The following PRKAG2 variants were observed in gnomAD, a reference collection of about 807,000 sequenced individuals.
PRKAG2 encodes protein kinase AMP-activated non-catalytic subunit gamma 2, also known as 5'-AMP-activated protein kinase subunit gamma-2.
A neutral mutation model predicts 69.6 loss-of-function variants in PRKAG2; 26 were observed. The observed-to-expected ratio is 0.37, with a 90% CI of 0.27 to 0.52. The LOEUF (loss-of-function observed/expected upper bound fraction) is 0.52, where lower values mean the gene tolerates loss of function less well. PRKAG2 is among the 20% of genes least tolerant of loss of function. The pLI is 0.90. For missense variants in PRKAG2, 557 were observed against 740.0 expected (o/e 0.75, Z 2.87); for synonymous variants, 293 against 285.0 (o/e 1.03, Z -0.28).
At chr7:151,731,535 T>TGTGTGTGC (rs10689682) in intron 3 of PRKAG2, among the ~76,000 whole-genome samples, 2,172 of 151,528 alleles carry the variant, frequency 0.014, 50 homozygotes, top group African/African-American at 0.05. Flanking sequence ...TGTGTGTGTG[T>TGTGTGTGC]GCGCACAGGT....
At chr7:151,708,448 T>C (rs1321426444) in intron 3 of PRKAG2, among the ~76,000 whole-genome samples, 1 of 152,082 alleles carries the variant, frequency 6.6e-6, no homozygotes, top group East Asian at 1.9e-4. Flanking sequence ...AAATAGTAAA[T>C]GTACCAGTAT....
At chr7:151,800,524 C>T (rs116754636) in intron 1 of PRKAG2, among the ~76,000 whole-genome samples, 2,674 of 152,258 alleles carry the variant, frequency 0.018, 74 homozygotes, top group Admixed American at 0.056. Flanking sequence ...ACTCCTCCTT[C>T]GAACACATCC....
chr7:151,740,355 T>C (rs2073793233), intron 3 of PRKAG2, among the ~76,000 whole-genome samples: 1 of 152,244 alleles, frequency 6.6e-6, no homozygotes, highest in Non-Finnish European at 1.5e-5. Context: ...CTCAGACCTC[T>C]GTCTTGGGTC....
chr7:151,645,423 A>G (rs6963047), intron 4 of PRKAG2, among the ~76,000 whole-genome samples: 2,483 of 152,336 alleles, frequency 0.016, 70 homozygotes, highest in African/African-American at 0.055. Context: ...GGTCCTGGCC[A>G]ACATCTTGAT....
chr7:151,862,572 G>A (rs1475283777), intron 1 of PRKAG2, among the ~76,000 whole-genome samples: 2 of 152,220 alleles, frequency 1.3e-5, no homozygotes, highest in Non-Finnish European at 2.9e-5. Context: ...CAGGTCGGCT[G>A]TGTGAGAGGT....
chr7:151,674,782 A>G (rs1347067795), intron 4 of PRKAG2, among the ~76,000 whole-genome samples: 3 of 150,252 alleles, frequency 2.0e-5, no homozygotes, highest in East Asian at 3.9e-4. Flanking sequence ...TGCTTTACCT[A>G]TGACATTTTA....
chr7:151,685,682 T>C (rs923026685), intron 3 of PRKAG2, among the ~76,000 whole-genome samples: 13 of 151,802 alleles, frequency 8.6e-5, no homozygotes, highest in Non-Finnish European at 1.8e-4. Context: ...GGAGGGAGGA[T>C]TGCTTAAGCC....
intron 1 of PRKAG2, among the ~76,000 whole-genome samples, chr7:151,848,817 AC>A (rs1216481560): frequency 6.6e-6 from 1 of 152,022 alleles, no homozygotes. Flanking sequence ...GAGCCACCGC[AC>A]CCAGCCTACT....
At chr7:151,798,557 T>TC (rs1344831640) in intron 1 of PRKAG2, among the ~76,000 whole-genome samples, 1 of 152,170 alleles carries the variant, frequency 6.6e-6, no homozygotes, top group Admixed American at 6.5e-5. Context: ...TCAAGGGATA[T>TC]ACCTGCCTTG....
At chr7:151,646,997 T>C (rs954535565) in intron 4 of PRKAG2, among the ~76,000 whole-genome samples, 1 of 152,200 alleles carries the variant, frequency 6.6e-6, no homozygotes, top group African/African-American at 2.4e-5. Flanking sequence ...GCTTTCATGA[T>C]AGTGACAAGC....
chr7:151,571,192 C>T (rs1299214724), intron 9 of PRKAG2, among the ~76,000 whole-genome samples: 1 of 151,976 alleles, frequency 6.6e-6, no homozygotes, highest in Non-Finnish European at 1.5e-5. Flanking sequence ...CTGCCTCAGC[C>T]TCCCGAGTAG....
chr7:151,849,285 G>T (rs777875595), intron 1 of PRKAG2, among the ~76,000 whole-genome samples: 124 of 152,214 alleles, frequency 8.1e-4, no homozygotes, highest in Non-Finnish European at 1.7e-3. Flanking sequence ...CCTCCCACAC[G>T]GGGCGGTCTG....
intron 3 of PRKAG2, among the ~76,000 whole-genome samples, chr7:151,692,235 G>C (rs6970728): frequency 0.23 from 34,403 of 151,878 alleles, 4,549 homozygotes; most frequent in African/African-American, 0.37. Context: ...CAAAAAACTG[G>C]TGCATCTATA....
intron 14 of PRKAG2, among the ~76,000 whole-genome samples, chr7:151,562,837 C>T (rs554945467): frequency 6.1e-5 from 8 of 130,226 alleles, no homozygotes; most frequent in African/African-American, 2.2e-4. Context: ...CGCCTGTAGT[C>T]CCAGCTACTC....
Position 151,751,965 on chromosome 7 carries a change from G to A in PRKAG2, c.466+29187C>T, listed in dbSNP as rs573614498. Among the ~76,000 whole-genome samples, 3 of 152,306 alleles carry A rather than the reference G, an allele frequency of 2.0e-5. No individual in the cohort carries two copies. The East Asian group carries it at 5.8e-4, about 29-fold the overall frequency. ...TCTTTAGAGCAATGGCTAATTCCAG[G>A]GCTGGGGTGAGGAATGTACAAGATC... On this transcript the variant is annotated intron_variant, in intron 3 of 15. Coordinates refer to ENST00000287878, the MANE Select transcript of PRKAG2 (RefSeq NM_016203.4).
intron 4 of PRKAG2, among the ~76,000 whole-genome samples, chr7:151,643,232 A>C (rs1301179480): frequency 6.6e-6 from 1 of 152,238 alleles, no homozygotes; most frequent in African/African-American, 2.4e-5. Flanking sequence ...AATACATTGC[A>C]AATAAAAAAA....
chr7:151,586,497 C>T (rs547014101), intron 6 of PRKAG2, among the ~76,000 whole-genome samples: 2 of 152,320 alleles, frequency 1.3e-5, no homozygotes, highest in South Asian at 2.1e-4. Flanking sequence ...TCCAATATCA[C>T]GAACAGGTTA....
chr7:151,691,547 T>A (rs1484327582), intron 3 of PRKAG2, among the ~76,000 whole-genome samples: 1 of 149,570 alleles, frequency 6.7e-6, no homozygotes, highest in East Asian at 1.9e-4. Flanking sequence ...GATATACAGA[T>A]GACAAATAAT....
chr7:151,647,433 G>C (rs1231780457), intron 4 of PRKAG2, among the ~76,000 whole-genome samples: 1 of 152,158 alleles, frequency 6.6e-6, no homozygotes, highest in East Asian at 1.9e-4. Flanking sequence ...TCAGATTTCT[G>C]CATATGTCAC....
Sources: gnomAD v4.1 joint callset for allele counts (sites outside exome capture counted in the v4.1 genomes callset) on GRCh38, gnomAD v4.1.1 for gene constraint, MANE v1.5 for transcripts, NCBI Gene and HGNC (gene_info 2026-07-23, HGNC 2026-07-21) for gene names.